OFD1: variants seen among roughly 807,000 people sequenced by gnomAD.
OFD1 encodes the protein centriole and centriolar satellite protein OFD1.
OFD1 carries 12 observed loss-of-function variants against 81.4 expected under a neutral mutation model. The observed-to-expected ratio is 0.15, with a 90% confidence interval of 0.09 to 0.24. OFD1 has a LOEUF of 0.24. OFD1 is among the 10% of genes least tolerant of loss of function. The pLI is 1.00. For synonymous variants in OFD1, 256 were observed against 263.7 expected, an observed-to-expected ratio of 0.97 and a Z score of 0.28; for missense variants, 685 against 733.9, an observed-to-expected ratio of 0.93 and a Z score of 0.77.
chrX:13,770,498 A>G (rs2048276358), downstream of OFD1, among the ~76,000 whole-genome samples: 1 of 112,492 alleles, frequency 8.9e-6, no homozygotes, highest in African/African-American at 3.2e-5. Flanking sequence ...TAAGTAACAT[A>G]TTTAGCTTGG....
chrX:13,755,780 A>T (rs1377623603), intron 12 of OFD1, among the ~76,000 whole-genome samples: 1 of 111,289 alleles, frequency 9.0e-6, no homozygotes, highest in South Asian at 3.7e-4. Context: ...TGTCTGAAGG[A>T]TGAAGCTGGA....
intron 21 of OFD1, 75 bp downstream of exon 21, chrX:13,768,299 G>C: frequency 2.5e-6 from 2 of 788,086 alleles, no homozygotes; most frequent in Non-Finnish European, 3.9e-6. Flanking sequence ...TCTTGGGACG[G>C]GAATCCGTCT....
At chrX:13,770,976 C>T (rs1331000548), downstream of OFD1, 1 of 112,371 alleles carries the variant, frequency 8.9e-6, no homozygotes, top group African/African-American at 3.2e-5. Flanking sequence ...ACTCTTAGTA[C>T]ATCCACAACT....
upstream of OFD1, among the ~76,000 whole-genome samples, chrX:13,730,335 A>G (rs1035819631): frequency 1.8e-5 from 2 of 112,386 alleles, no homozygotes; most frequent in African/African-American, 6.5e-5. Context: ...ATCACTGGTC[A>G]TTAGAGAAAT....
At chrX:13,738,330 A>G (rs1222423924) in intron 3 of OFD1, among the ~76,000 whole-genome samples, 1 of 112,956 alleles carries the variant, frequency 8.9e-6, no homozygotes, top group Non-Finnish European at 1.9e-5. Flanking sequence ...CCAATTGAAA[A>G]CAAATATCAG....
At chrX:13,741,175 A>G (rs1041513657) in intron 5 of OFD1, among the ~76,000 whole-genome samples, 7 of 111,725 alleles carry the variant, frequency 6.3e-5, no homozygotes, top group South Asian at 7.5e-4. Context: ...GTCTCTTTAA[A>G]TGCATCTGGT....
chrX:13,728,808 G>A, the OFD1 span, among the ~76,000 whole-genome samples: 1,682 of 111,888 alleles, frequency 0.015, 31 homozygotes, highest in African/African-American at 0.048. Context: ...AGGAAGTCAA[G>A]TTGTCCCTGT....
chrX:13,735,020 C>T lies in OFD1; in HGVS notation c.-52C>T. 1 of 1,177,731 alleles carries T rather than the reference C, an allele frequency of 8.5e-7. No homozygotes were observed. Among genetic ancestry groups the T allele is most frequent in the South Asian group, 1.8e-5 (1 of 54,728 alleles). On this transcript the variant is annotated 5_prime_UTR_variant, in exon 1 of 23. Transcript: ENST00000340096. ...CCCACCGCCCGGGCTGGGCACTAAA[C>T]TCGGGCCGCGGCGGGGCGAGCGAGG...
upstream of OFD1, among the ~76,000 whole-genome samples, chrX:13,732,131 G>A (rs972853928): frequency 1.2e-3 from 129 of 112,130 alleles, no homozygotes; most frequent in African/African-American, 4.1e-3. Flanking sequence ...GGCATTAAGA[G>A]CAAGGTCAGG....
intron 2 of OFD1, among the ~76,000 whole-genome samples, chrX:13,735,547 G>C (rs2046826869): frequency 8.9e-6 from 1 of 112,581 alleles, no homozygotes; most frequent in African/African-American, 3.2e-5. Flanking sequence ...TTGAGTTTGA[G>C]TCGTCTTAAA....
rs917109246 is a variant in OFD1, at chrX:13,748,378, C to A, written c.829-1049C>A. On this transcript the variant is annotated intron_variant, in intron 8 of 22. Transcript: ENST00000340096. ...CCCTGATAAAAACCATAGTGTCTTT[C>A]AAGACCCAGCTTGGATGTCACCTGG... is the stretch of plus-strand genomic sequence containing the variant. 6.8e-4 allele frequency among the ~76,000 whole-genome samples: 76 copies of A among 112,285 alleles called. 1 individual carries two copies. Among genetic ancestry groups the A allele is most frequent in the African/African-American group, 2.4e-3 (73 of 30,886 alleles).
At chrX:13,722,208 C>CCA in the OFD1 span, 58 of 36,111 alleles carry the variant, frequency 1.6e-3, 1 homozygote, top group African/African-American at 6.8e-3. Context: ...TAAGCAGCAG[C>CCA]AAAAAAAAAA....
downstream of OFD1, chrX:13,770,894 C>T (rs1171553244): frequency 1.8e-5 from 2 of 112,077 alleles, no homozygotes; most frequent in African/African-American, 3.2e-5. Context: ...TGAAACCATA[C>T]TGAGAACAAA....
chrX:13,734,796 G>A lies in OFD1; in HGVS notation c.-276G>A. 5 of 1,073,454 alleles carry A rather than the reference G, an allele frequency of 4.7e-6. No individual in the cohort carries two copies. Among genetic ancestry groups the A allele is most frequent in the Non-Finnish European group, 6.0e-6 (5 of 834,249 alleles). 88.5% of individuals were successfully genotyped at this position (1,073,454 alleles called of 1,213,427 possible). A position where few individuals can be genotyped will look rare whatever the true frequency, so the allele number is the denominator to read the frequency against. On this transcript the variant is annotated 5_prime_UTR_variant, in exon 1 of 23. Transcript: ENST00000340096. ...TCGCTGCCTTCAGTCCCTAGTGTCT[G>A]GGTCCCCGCCCTCCAGCCGCCTTTG...
the OFD1 span, among the ~76,000 whole-genome samples, chrX:13,728,368 C>T: frequency 5.4e-5 from 6 of 111,691 alleles, no homozygotes; most frequent in African/African-American, 9.8e-5. Flanking sequence ...ACTGGCAAAC[C>T]GAATCCAGTA....
Position 13,746,322 on chromosome X carries a change from A to T in OFD1, c.521A>T (p.Glu174Val). The T allele has an allele frequency of 8.3e-7, 1 of 1,207,141 alleles. No individual in the cohort carries two copies. The highest frequency in any genetic ancestry group is 1.1e-6 in the Non-Finnish European group (1 of 892,335). Residue 174 changes from glutamate (E) to valine (V), a missense_variant, in exon 7 of 23, where the codon GAG becomes GTG. Physicochemically the swap from Glu to Val is moderately radical, Grantham distance 121 (BLOSUM62 -2). This residue lies in a region of OFD1 where 414 missense variants were observed against 447.2 expected (regional missense o/e 0.93). Transcript: ENST00000340096. ...TTGATGTGTTATTTTTTAATAGCTG[A>T]GAAGCTTCAGCTTATTGATGATCAG... ...SSTFNRDSLA[E>V]KLQLIDDQFA...
chrX:13,756,604 G>T lies in OFD1; in HGVS notation c.1248G>T (p.Gln416His). 8.3e-7 allele frequency: 1 copy of T among 1,205,440 alleles called. No homozygotes were observed. The highest frequency in any genetic ancestry group is 1.8e-5 in the South Asian group (1 of 55,450). Residue 416 changes from glutamine to histidine, a missense_variant, in exon 13 of 23, where the codon CAG becomes CAT. Physicochemically the swap from Gln to His is conservative, Grantham distance 24. Around this residue, in one of 3 missense-constraint regions of OFD1, gnomAD observed 414 missense variants for 447.2 expected, o/e 0.93. Transcript: ENST00000340096. ...LELELESVKA[Q>H]SLAITKQNHM... is the part of the protein sequence containing the mutation. ...TTGAATTAGAGTCTGTCAAAGCCCA[G>T]TCTTTGGCAATAACAAAACAAAACC...
At chrX:13,746,666 A>C (rs2047310713) in intron 7 of OFD1, 114 bp from the exon 8 acceptor site, 1 of 689,155 alleles carries the variant, frequency 1.5e-6, no homozygotes, top group African/African-American at 2.2e-5. Flanking sequence ...ACTAACATGA[A>C]ATAAATATAT....
At chrX:13,731,714 C>T (rs2046681519), upstream of OFD1, among the ~76,000 whole-genome samples, 2 of 111,963 alleles carry the variant, frequency 1.8e-5, no homozygotes, top group Admixed American at 9.5e-5. Context: ...ACTTGAGTGT[C>T]AATACTCGGA....
Sources: gnomAD v4.1 joint callset for allele counts (sites outside exome capture counted in the v4.1 genomes callset) on GRCh38, gnomAD v4.1.1 for gene constraint, gnomAD v4.1.1 regional missense constraint, MANE v1.5 for transcripts, NCBI Gene and HGNC (gene_info 2026-07-23, HGNC 2026-07-21) for gene names.